NRG3: variants seen among roughly 807,000 people sequenced by gnomAD.
NRG3 encodes pro-neuregulin-3, membrane-bound isoform.
A neutral mutation model predicts 66.9 loss-of-function variants in NRG3; 31 were observed. That is an observed-to-expected ratio of 0.46 (90% CI 0.35 to 0.63). NRG3 has a LOEUF of 0.63. Among genes scored for constraint, NRG3 ranks in the 20% least tolerant of loss-of-function variants. The pLI, the probability that NRG3 is intolerant of heterozygous loss-of-function variation, is 0.00. For synonymous variants in NRG3, 393 were observed against 359.4 expected, an observed-to-expected ratio of 1.09 and a Z score of -1.06; for missense variants, 910 against 878.9, an observed-to-expected ratio of 1.04 and a Z score of -0.45.
At chr10:82,471,067 C>T (rs1412444887) in intron 2 of NRG3, among the ~76,000 whole-genome samples, 1 of 152,114 alleles carries the variant, frequency 6.6e-6, no homozygotes, top group Non-Finnish European at 1.5e-5. Context: ...GGACTTTTTC[C>T]TTAGTTCAGC....
chr10:82,409,561 T>C (rs2087890068), intron 2 of NRG3, among the ~76,000 whole-genome samples: 1 of 152,196 alleles, frequency 6.6e-6, no homozygotes, highest in Non-Finnish European at 1.5e-5. Flanking sequence ...TGTCCATTAT[T>C]TGTGCTGGAT....
chr10:82,839,559 G>T (rs2135737585), intron 3 of NRG3, among the ~76,000 whole-genome samples: 1 of 151,336 alleles, frequency 6.6e-6, no homozygotes, highest in African/African-American at 2.4e-5. Flanking sequence ...AATCTACTAT[G>T]TATATGTATA....
chr10:82,461,995 G>A (rs891664383), intron 2 of NRG3, among the ~76,000 whole-genome samples: 1 of 152,106 alleles, frequency 6.6e-6, no homozygotes, highest in Non-Finnish European at 1.5e-5. Context: ...GCCAGACATG[G>A]TGGCACATGC....
intron 2 of NRG3, among the ~76,000 whole-genome samples, chr10:82,386,030 C>T (rs555650864): frequency 4.6e-5 from 7 of 152,184 alleles, no homozygotes; most frequent in African/African-American, 1.7e-4. Flanking sequence ...AAAAAAATCA[C>T]ATCAGTGAAA....
At chr10:81,934,428 G>A (rs1049578962) in intron 1 of NRG3, among the ~76,000 whole-genome samples, 7 of 151,996 alleles carry the variant, frequency 4.6e-5, no homozygotes, top group Admixed American at 1.3e-4. Context: ...CTTAAGCATC[G>A]GACACTCCCT....
At chr10:82,922,006 TA>T (rs1846464116) in intron 4 of NRG3, among the ~76,000 whole-genome samples, 1 of 152,178 alleles carries the variant, frequency 6.6e-6, no homozygotes, top group Non-Finnish European at 1.5e-5. Context: ...GATTTCAGTA[TA>T]AATATAAATC....
At chr10:82,883,421 T>G (rs1217217241) in intron 4 of NRG3, among the ~76,000 whole-genome samples, 2 of 152,198 alleles carry the variant, frequency 1.3e-5, no homozygotes, top group African/African-American at 4.8e-5. Flanking sequence ...CATGAAGTCA[T>G]AGATTCCTGG....
chr10:82,750,600 T>C (rs986894181), intron 3 of NRG3, among the ~76,000 whole-genome samples: 22 of 152,080 alleles, frequency 1.4e-4, no homozygotes, highest in Admixed American at 1.2e-3. Flanking sequence ...AATTTCATGC[T>C]AGGCCTCTGT....
intron 2 of NRG3, among the ~76,000 whole-genome samples, chr10:82,682,225 G>A (rs1210947444): frequency 6.6e-6 from 1 of 152,164 alleles, no homozygotes; most frequent in Non-Finnish European, 1.5e-5. Context: ...CCCTTAGACT[G>A]GATACTAAGC....
rs143307101 is a variant in NRG3 at position 82,243,417 on chromosome 10, C to G, written c.824-115322C>G. Among the ~76,000 whole-genome samples, 710 of 152,066 alleles carry G rather than the reference C, an allele frequency of 4.7e-3. 4 individuals are homozygous for G. The highest frequency in any genetic ancestry group is 0.015 in the African/African-American group (632 of 41,508). On this transcript the variant is annotated intron_variant, in intron 1 of 8. Coordinates refer to ENST00000372141, the MANE Select transcript of NRG3 (RefSeq NM_001010848.4). ...GAAAATATGACTTAAATTTACAATACAAGTGCCCCACCACAATTTAAAATT... is the reference window on the plus strand; with the variant it reads ...GAAAATATGACTTAAATTTACAATAGAAGTGCCCCACCACAATTTAAAATT...
chr10:82,223,401 T>C (rs1254530279), intron 1 of NRG3, among the ~76,000 whole-genome samples: 2 of 152,154 alleles, frequency 1.3e-5, no homozygotes, highest in African/African-American at 4.8e-5. Context: ...CCTAGATCTG[T>C]ATTTGGAAGA....
At position 82,223,937 on chromosome 10, in the gene NRG3, T is replaced by G. The variant is rs756648261; in HGVS notation, c.824-134802T>G. Among the ~76,000 whole-genome samples, 81 of 152,070 alleles carry G rather than the reference T, an allele frequency of 5.3e-4. 1 individual carries two copies. Among genetic ancestry groups the G allele is most frequent in the Non-Finnish European group, 1.3e-4 (9 of 68,022 alleles). On this transcript the variant is annotated intron_variant, in intron 1 of 8. Transcript: ENST00000372141. ...CAACCTGTAAGAGATACAAAGTGAG[T>G]CTGTTTCCTTTTCTACATAACCTCT...
intron 4 of NRG3, among the ~76,000 whole-genome samples, chr10:82,887,730 T>C (rs1175452748): frequency 6.6e-6 from 1 of 152,248 alleles, no homozygotes; most frequent in African/African-American, 2.4e-5. Flanking sequence ...CTATCTCCAT[T>C]AATCTTCTCT....
At chr10:81,952,240 A>G (rs970589950) in intron 1 of NRG3, among the ~76,000 whole-genome samples, 7 of 152,192 alleles carry the variant, frequency 4.6e-5, no homozygotes, top group Non-Finnish European at 7.3e-5. Context: ...TTAAAGTATA[A>G]TAATAATAAA....
At chr10:82,764,281 C>T (rs1000892164) in intron 3 of NRG3, among the ~76,000 whole-genome samples, 3 of 152,072 alleles carry the variant, frequency 2.0e-5, no homozygotes, top group Admixed American at 6.6e-5. Context: ...GTGATCTGCC[C>T]GCTTCAGCTT....
intron 2 of NRG3, among the ~76,000 whole-genome samples, chr10:82,624,652 T>C (rs1019038022): frequency 6.6e-6 from 1 of 150,742 alleles, no homozygotes; most frequent in African/African-American, 2.4e-5. Context: ...AAATTATAAG[T>C]CTATATTTGC....
At chr10:82,944,920 T>TA (rs1273116207) in intron 4 of NRG3, among the ~76,000 whole-genome samples, 1 of 152,212 alleles carries the variant, frequency 6.6e-6, no homozygotes, top group Non-Finnish European at 1.5e-5. Context: ...GTGGGCTCTC[T>TA]ACATGTAGGT....
intron 1 of NRG3, among the ~76,000 whole-genome samples, chr10:81,952,724 C>T (rs1849490628): frequency 6.6e-6 from 1 of 152,094 alleles, no homozygotes; most frequent in Non-Finnish European, 1.5e-5. Context: ...CCACCTCAGC[C>T]TCCTGAGTAC....
At chr10:82,756,285 G>C (rs1051528708) in intron 3 of NRG3, among the ~76,000 whole-genome samples, 1 of 152,080 alleles carries the variant, frequency 6.6e-6, no homozygotes, top group African/African-American at 2.4e-5. Flanking sequence ...GACAGAAAGC[G>C]TGGCTACAGA....
Sources: allele counts gnomAD v4.1 joint callset (sites outside exome capture counted in the v4.1 genomes callset), GRCh38; gene constraint gnomAD v4.1.1; transcripts MANE v1.5; gene names NCBI Gene and HGNC (gene_info 2026-07-23, HGNC 2026-07-21).